The following MAP4K3 variants were observed in gnomAD, a reference collection of about 807,000 sequenced individuals.
The protein encoded by MAP4K3 is MAPK/ERK kinase kinase kinase 3.
In MAP4K3, 94 loss-of-function variants were observed where a neutral mutation model predicts 143.5. The observed-to-expected ratio is 0.65, with a 90% CI of 0.55 to 0.78. The LOEUF (loss-of-function observed/expected upper bound fraction) is 0.78, where lower values mean the gene tolerates loss of function less well. MAP4K3 is among the 30% of genes least tolerant of loss of function. MAP4K3 has a pLI of 0.00. For missense variants in MAP4K3, 1,077 were observed against 1,068.1 expected (o/e 1.01, Z -0.12); for synonymous variants, 416 against 347.2 (o/e 1.20, Z -2.20).
At position 39,356,234 on chromosome 2, in the gene MAP4K3, A is replaced by G; in HGVS notation, c.245+15T>C. Reference sequence around the variant, plus strand: ...AAATCATTATTGCTTTTCAAAAGGGAAACAAACAGTATACCTGAGATAGCT... The same window carrying G: ...AAATCATTATTGCTTTTCAAAAGGGGAACAAACAGTATACCTGAGATAGCT... On this transcript the variant is annotated intron_variant, in intron 3 of 33. Transcript: ENST00000263881. 1 of 1,492,522 alleles carries G rather than the reference A, an allele frequency of 6.7e-7. No individual in the cohort carries two copies. The highest frequency in any genetic ancestry group is 9.2e-7 in the Non-Finnish European group (1 of 1,090,600). The allele number at this position is 1,492,522 out of a possible 1,614,324, so 92.5% of individuals were successfully genotyped here.
intron 26 of MAP4K3, among the ~76,000 whole-genome samples, chr2:39,269,879 C>T (rs955014291): frequency 1.3e-5 from 2 of 152,118 alleles, no homozygotes; most frequent in Admixed American, 1.3e-4. Context: ...TACATTATAA[C>T]TTACAATTAT....
intron 21 of MAP4K3, among the ~76,000 whole-genome samples, chr2:39,284,629 A>G (rs1158851876): frequency 1.3e-5 from 2 of 151,844 alleles, no homozygotes; most frequent in Admixed American, 1.3e-4. Context: ...GCAGATCATG[A>G]GGTCAAGGAT....
At chr2:39,353,940 T>C (rs747563287) in intron 3 of MAP4K3, among the ~76,000 whole-genome samples, 3 of 152,176 alleles carry the variant, frequency 2.0e-5, no homozygotes, top group African/African-American at 7.2e-5. Flanking sequence ...GGTTAAATAA[T>C]TGATTAATAA....
chr2:39,282,238 C>G (rs914027537), intron 22 of MAP4K3, among the ~76,000 whole-genome samples: 7 of 151,606 alleles, frequency 4.6e-5, no homozygotes, highest in African/African-American at 1.7e-4. Flanking sequence ...TAGTTTATGC[C>G]TATAATCACA....
chr2:39,252,361 T>C (rs1338599496), intron 32 of MAP4K3, among the ~76,000 whole-genome samples: 1 of 152,236 alleles, frequency 6.6e-6, no homozygotes, highest in African/African-American at 2.4e-5. Flanking sequence ...TGTAATCCGC[T>C]AGAAATGGTT....
At chr2:39,412,114 CA>C (rs1667247494) in intron 1 of MAP4K3, among the ~76,000 whole-genome samples, 1 of 152,160 alleles carries the variant, frequency 6.6e-6, no homozygotes, top group Non-Finnish European at 1.5e-5. Context: ...TTCCAGAAAA[CA>C]CACTTTGGTA....
chr2:39,300,318 AT>A (rs1682457593), intron 15 of MAP4K3, among the ~76,000 whole-genome samples: 1 of 152,232 alleles, frequency 6.6e-6, no homozygotes, highest in South Asian at 2.1e-4. Context: ...CTTGTACAAT[AT>A]TATAAATTGT....
intron 2 of MAP4K3, 104 bp from the exon 3 acceptor site, chr2:39,356,443 T>C (rs1373580282): frequency 1.7e-5 from 11 of 658,438 alleles, no homozygotes; most frequent in Non-Finnish European, 2.9e-5. Flanking sequence ...AAGTATAACA[T>C]AATTAATGAG....
Position 39,251,899 on chromosome 2 carries a change from A to G in MAP4K3, c.2542-14T>C. On this transcript the variant is annotated splice_polypyrimidine_tract_variant and intron_variant, in intron 32 of 33. Coordinates refer to ENST00000263881, the MANE Select transcript of MAP4K3 (RefSeq NM_003618.4). ...TTCTTGTGTTACCTGTTCAATTAAA[A>G]CACAAATTTAATTTCTGAAATTAAA... 1.2e-6 allele frequency: 2 copies of G among 1,601,144 alleles called. No homozygotes were observed. The highest frequency in any genetic ancestry group is 2.2e-5 in the South Asian group (2 of 90,248).
Position 39,260,796 on chromosome 2 carries a change from A to G in MAP4K3, c.2137-19T>C. ...CTATGTGCTAGAGAAAGAAACAAAA[A>G]TACATTAAACCAAGGAAAATAAAAA... On this transcript the variant is annotated intron_variant, in intron 28 of 33. Transcript: ENST00000263881. The G allele has an allele frequency of 6.4e-7, 1 of 1,564,070 alleles. No homozygotes were observed. The highest frequency in any genetic ancestry group is 8.8e-7 in the Non-Finnish European group (1 of 1,140,430).
intron 31 of MAP4K3, 32 bp from the exon 32 acceptor site, chr2:39,254,552 A>G (rs1680272887): frequency 1.3e-6 from 2 of 1,574,618 alleles, no homozygotes. Flanking sequence ...ATTACTGTTA[A>G]TAGTACAAAA....
At chr2:39,383,895 A>G (rs1666418089) in intron 1 of MAP4K3, among the ~76,000 whole-genome samples, 1 of 152,132 alleles carries the variant, frequency 6.6e-6, no homozygotes, top group Admixed American at 6.5e-5. Context: ...GCTTGAGCCC[A>G]GGAGTTCAAG....
intron 1 of MAP4K3, among the ~76,000 whole-genome samples, chr2:39,389,169 G>C (rs991819598): frequency 1.3e-5 from 2 of 152,012 alleles, no homozygotes; most frequent in Admixed American, 6.5e-5. Flanking sequence ...TGACTTGGCA[G>C]ACAGGACAAA....
intron 1 of MAP4K3, among the ~76,000 whole-genome samples, chr2:39,396,029 G>C (rs888472316): frequency 7.2e-5 from 11 of 151,904 alleles, no homozygotes; most frequent in African/African-American, 2.7e-4. Flanking sequence ...TTGGTTTTTG[G>C]GGTTTTTTGT....
intron 6 of MAP4K3, 147 bp from the exon 7 acceptor site, chr2:39,333,721 A>G: frequency 2.1e-6 from 1 of 479,828 alleles, no homozygotes; most frequent in East Asian, 3.3e-5. Context: ...GTATCATTAG[A>G]GTCATAGGTA....
At position 39,284,227 on chromosome 2, in the gene MAP4K3, T is replaced by A. The variant is rs182675802; in HGVS notation, c.1588-1673A>T. 9.5e-3 allele frequency among the ~76,000 whole-genome samples: 1,451 copies of A among 152,180 alleles called. 13 individuals are homozygous for A. Among genetic ancestry groups the A allele is most frequent in the Non-Finnish European group, 0.012 (841 of 68,000 alleles). On this transcript the variant is annotated intron_variant, in intron 21 of 33. Transcript: ENST00000263881. Reference sequence around the variant, plus strand: ...CCCAGGCTGGAGTGCAGGGGCACGATATCGGGTCACTGCAACCTCTGCCTC... The same window carrying A: ...CCCAGGCTGGAGTGCAGGGGCACGAAATCGGGTCACTGCAACCTCTGCCTC...
intron 1 of MAP4K3, among the ~76,000 whole-genome samples, chr2:39,403,320 A>G (rs1045868347): frequency 6.6e-6 from 1 of 152,184 alleles, no homozygotes; most frequent in Admixed American, 6.5e-5. Flanking sequence ...TTTTAACTTC[A>G]TATCACTGAA....
Position 39,272,408 on chromosome 2 carries a change from G to A in MAP4K3, c.1856-8C>T. ...AAAGCTGAGAAGCTTTACCTATAAA[G>A]AAAAACAGATATGACATAAAAGCTA... On this transcript the variant is annotated splice_polypyrimidine_tract_variant and splice_region_variant and intron_variant, in intron 25 of 33. Coordinates refer to ENST00000263881, the MANE Select transcript of MAP4K3 (RefSeq NM_003618.4). 6.2e-7 allele frequency: 1 copy of A among 1,607,074 alleles called. No homozygotes were observed. The highest frequency in any genetic ancestry group is 8.5e-7 in the Non-Finnish European group (1 of 1,174,212).
rs559641307 is a variant in MAP4K3, at chr2:39,334,914, G to A, written c.415-1340C>T. 9.2e-4 allele frequency among the ~76,000 whole-genome samples: 140 copies of A among 152,222 alleles called. 1 individual carries two copies. The highest frequency in any genetic ancestry group is 3.0e-3 in the African/African-American group (125 of 41,526). Reference sequence around the variant, plus strand: ...AATAATTACTCTGAAGACACAGCAGGGAAGGCCTCTCCAAAGGCAGTAATA... The same window carrying A: ...AATAATTACTCTGAAGACACAGCAGAGAAGGCCTCTCCAAAGGCAGTAATA... On this transcript the variant is annotated intron_variant, in intron 6 of 33. Transcript: ENST00000263881.
Sources: gnomAD v4.1 joint callset for allele counts (sites outside exome capture counted in the v4.1 genomes callset) on GRCh38, gnomAD v4.1.1 for gene constraint, MANE v1.5 for transcripts, NCBI Gene and HGNC (gene_info 2026-07-23, HGNC 2026-07-21) for gene names.